The following ERG variants were observed in gnomAD, a reference collection of about 807,000 sequenced individuals.
ERG encodes the protein transcriptional regulator ERG.
A neutral mutation model predicts 55.3 loss-of-function variants in ERG; 9 were observed. The observed-to-expected ratio is 0.16, with a 90% CI of 0.10 to 0.28. ERG has a LOEUF of 0.28. Among genes scored for constraint, ERG ranks in the 10% least tolerant of loss-of-function variants. The pLI, the probability that ERG is intolerant of heterozygous loss-of-function variation, is 1.00. For missense variants in ERG, 434 were observed against 631.6 expected, an observed-to-expected ratio of 0.69 and a Z score of 3.35; for synonymous variants, 223 against 237.3, an observed-to-expected ratio of 0.94 and a Z score of 0.55.
intron 2 of ERG, among the ~76,000 whole-genome samples, chr21:38,509,104 T>C (rs181657351): frequency 1.2e-4 from 19 of 152,204 alleles, no homozygotes; most frequent in African/African-American, 4.6e-4. Flanking sequence ...GCAAATAATA[T>C]CTATCTCAGC....
intron 2 of ERG, among the ~76,000 whole-genome samples, chr21:38,504,476 G>A (rs1019240821): frequency 7.9e-5 from 12 of 152,154 alleles, no homozygotes; most frequent in Admixed American, 6.5e-4. Flanking sequence ...TAATTATTTT[G>A]TCACCATTAT....
rs2059822168 is a variant in ERG at position 38,551,198 on chromosome 21, T to C, written c.-41+24464A>G. On this transcript the variant is annotated intron_variant, in intron 2 of 8. Coordinates refer to the ERG transcript ENST00000398897. Reference sequence around the variant, plus strand: ...CTGTGGGTTCAGTGGTAATGTCCCCTTTGTCATTTCTGATTATGCTTATTT... The same window carrying C: ...CTGTGGGTTCAGTGGTAATGTCCCCCTTGTCATTTCTGATTATGCTTATTT... 2.0e-5 allele frequency among the ~76,000 whole-genome samples: 3 copies of C among 151,982 alleles called. No homozygotes were observed. The South Asian group carries it at 6.2e-4, about 31-fold the overall frequency.
At chr21:38,447,697 G>A (rs1278370951) in intron 1 of ERG, among the ~76,000 whole-genome samples, 1 of 151,798 alleles carries the variant, frequency 6.6e-6, no homozygotes, top group Admixed American at 6.6e-5. Flanking sequence ...AAAAATTTTT[G>A]CAAAACAGAT....
chr21:38,401,216 T>C (rs1438636347), intron 5 of ERG, among the ~76,000 whole-genome samples: 1 of 152,260 alleles, frequency 6.6e-6, no homozygotes, highest in Non-Finnish European at 1.5e-5. Flanking sequence ...TGTTCATTGG[T>C]TTCTTCCGTG....
At chr21:38,538,205 G>A (rs560618254) in intron 2 of ERG, among the ~76,000 whole-genome samples, 1 of 152,284 alleles carries the variant, frequency 6.6e-6, no homozygotes, top group African/African-American at 2.4e-5. Context: ...TAATGGGTTG[G>A]AGTGTCAGTG....
At chr21:38,403,321 G>T (rs938395424) in intron 4 of ERG, among the ~76,000 whole-genome samples, 185 bp downstream of exon 4, 1 of 152,152 alleles carries the variant, frequency 6.6e-6, no homozygotes, top group African/African-American at 2.4e-5. Flanking sequence ...TTCTCATCAG[G>T]TGATGTGGCC....
chr21:38,565,027 A>C (rs973251482), intron 2 of ERG, among the ~76,000 whole-genome samples: 2 of 152,224 alleles, frequency 1.3e-5, no homozygotes, highest in African/African-American at 2.4e-5. Flanking sequence ...TGCTCATTGC[A>C]ACTGTCCCCT....
chr21:38,600,644 T>C (rs183203821), intron 1 of ERG, among the ~76,000 whole-genome samples: 3 of 152,326 alleles, frequency 2.0e-5, no homozygotes, highest in East Asian at 3.9e-4. Flanking sequence ...GACAAGGGGC[T>C]CCGTTTTATT....
At chr21:38,536,354 G>C (rs764496006) in intron 2 of ERG, among the ~76,000 whole-genome samples, 3 of 152,002 alleles carry the variant, frequency 2.0e-5, no homozygotes, top group Non-Finnish European at 4.4e-5. Context: ...AAAGAACTGT[G>C]GTTTCAAGAA....
Position 38,429,485 on chromosome 21 carries a change from ATG to A in ERG, c.237-5926_237-5925del, listed in dbSNP as rs1287909858. 6.2e-4 allele frequency among the ~76,000 whole-genome samples: 79 copies of A among 127,034 alleles called. 29 individuals are homozygous for A. The highest frequency in any genetic ancestry group is 3.9e-3 in the Middle Eastern group (1 of 258). The allele number at this position is 127,034 out of a possible 152,430, so 83.3% of individuals were successfully genotyped here. A position where few individuals can be genotyped will look rare whatever the true frequency, so the allele number is the denominator to read the frequency against. On this transcript the variant is annotated intron_variant, in intron 2 of 9. Transcript: ENST00000288319. The stretch of plus-strand genomic sequence containing the variant: ...TATACACATATGTGTATATACATGT[ATG>A]CACATGTACATATATACATATGTGT...
At chr21:38,450,171 C>G (rs2095930068) in intron 1 of ERG, among the ~76,000 whole-genome samples, 1 of 149,820 alleles carries the variant, frequency 6.7e-6, no homozygotes, top group Non-Finnish European at 1.5e-5. Flanking sequence ...GTGGGTGGGT[C>G]ATGAGTTCAG....
upstream of ERG, chr21:38,584,908 C>T (rs932739524): frequency 2.0e-5 from 3 of 152,154 alleles, no homozygotes; most frequent in African/African-American, 7.2e-5. Context: ...TTTTGGTCAA[C>T]ACGGCTTTCC....
At chr21:38,564,189 T>C (rs1199389263) in intron 2 of ERG, among the ~76,000 whole-genome samples, 1 of 152,200 alleles carries the variant, frequency 6.6e-6, no homozygotes, top group Non-Finnish European at 1.5e-5. Flanking sequence ...CTCCTGTGAA[T>C]GCTGAATGAC....
intron 3 of ERG, among the ~76,000 whole-genome samples, chr21:38,423,115 G>GTGTGTGTA (rs1989623915): frequency 6.6e-6 from 1 of 151,106 alleles, no homozygotes; most frequent in Non-Finnish European, 1.5e-5. Context: ...GTGTGTGTGT[G>GTGTGTGTA]TGTGTGTGTA....
At chr21:38,648,710 C>T (rs936450686) in intron 1 of ERG, among the ~76,000 whole-genome samples, 10 of 152,334 alleles carry the variant, frequency 6.6e-5, no homozygotes, top group South Asian at 4.1e-4. Context: ...AAATCCACTC[C>T]GATTCCCCCT....
chr21:38,427,557 G>C (rs890450449), intron 2 of ERG, among the ~76,000 whole-genome samples: 1 of 152,214 alleles, frequency 6.6e-6, no homozygotes, highest in Non-Finnish European at 1.5e-5. Context: ...CAGCCAGGAG[G>C]AGGTAGAATG....
At chr21:38,641,587 T>C (rs944816282) in intron 1 of ERG, among the ~76,000 whole-genome samples, 2 of 152,238 alleles carry the variant, frequency 1.3e-5, no homozygotes, top group Admixed American at 6.5e-5. Context: ...AACACAGTCA[T>C]GTTATAATAC....
At chr21:38,488,241 G>A (rs1012341810) in intron 1 of ERG, among the ~76,000 whole-genome samples, 13 of 152,118 alleles carry the variant, frequency 8.5e-5, no homozygotes, top group African/African-American at 2.9e-4. Context: ...TCAACATGAG[G>A]TGACCCAGCA....
rs985129737 is a variant in ERG at position 38,445,551 on chromosome 21, T to C, written c.89A>G (p.Lys30Arg). 6.2e-7 allele frequency: 1 copy of C among 1,614,002 alleles called. No individual in the cohort carries two copies. Among genetic ancestry groups the C allele is most frequent in the Non-Finnish European group, 8.5e-7 (1 of 1,180,038 alleles). The change falls in exon 2 of 10, where the codon AAG becomes AGG. Residue 30 changes from lysine (K) to arginine (R), a missense_variant. Around this residue, in one of 5 missense-constraint regions of ERG, gnomAD observed 212 missense variants for 262.9 expected, o/e 0.81. Coordinates refer to ENST00000288319, the MANE Select transcript of ERG (RefSeq NM_182918.4). ...ECAYGTPHLAKTEMTASSSSD... is the reference protein window; with the variant it reads ...ECAYGTPHLARTEMTASSSSD... ...GGAGGAGGACGCGGTCATCTCTGTC[T>C]TAGCCAGGTGTGGCGTTCCGTAGGC...
Sources: allele counts gnomAD v4.1 joint callset (sites outside exome capture counted in the v4.1 genomes callset), GRCh38; gene constraint gnomAD v4.1.1; regional missense constraint gnomAD v4.1.1; transcripts MANE v1.5; gene names NCBI Gene and HGNC (gene_info 2026-07-23, HGNC 2026-07-21).